Variants in SAMD4A observed in about 807,000 individuals in gnomAD.
SAMD4A encodes the protein protein Smaug homolog 1.
SAMD4A carries 33 observed loss-of-function variants against 81.3 expected under a neutral mutation model. That is an observed-to-expected ratio of 0.41 (90% CI 0.31 to 0.54). The LOEUF is 0.54. Among genes scored for constraint, SAMD4A ranks in the 20% least tolerant of loss-of-function variants. SAMD4A has a pLI of 0.37. For missense variants in SAMD4A, 854 were observed against 951.1 expected, an observed-to-expected ratio of 0.90 and a Z score of 1.34; for synonymous variants, 389 against 382.1, an observed-to-expected ratio of 1.02 and a Z score of -0.21.
chr14:54,647,533 C>G (rs2035312040), intron 2 of SAMD4A, among the ~76,000 whole-genome samples: 1 of 152,202 alleles, frequency 6.6e-6, no homozygotes, highest in African/African-American at 2.4e-5. Flanking sequence ...ACCATTCAAT[C>G]TAAAATAGTC....
intron 2 of SAMD4A, among the ~76,000 whole-genome samples, chr14:54,571,879 G>T (rs1046873122): frequency 6.6e-6 from 1 of 152,190 alleles, no homozygotes; most frequent in African/African-American, 2.4e-5. Context: ...TGTCATTAGA[G>T]GGTGGGTATG....
intron 3 of SAMD4A, among the ~76,000 whole-genome samples, chr14:54,723,430 G>A (rs1483504500): frequency 6.6e-6 from 1 of 152,156 alleles, no homozygotes; most frequent in Admixed American, 6.5e-5. Context: ...ACAGAAGCAA[G>A]AATAGTTTTT....
At position 54,637,291 on chromosome 14, in the gene SAMD4A, G is replaced by A. The variant is rs563694561; in HGVS notation, c.197-64771G>A. On this transcript the variant is annotated intron_variant, in intron 2 of 12. Coordinates refer to ENST00000554335, the MANE Select transcript of SAMD4A (RefSeq NM_015589.6). ...GTCGCAGGAGGATTGCTTGAACCCG[G>A]GAGGTGGAGGTTTCAGTGAGCTGAG... 1.0e-3 allele frequency among the ~76,000 whole-genome samples: 153 copies of A among 150,694 alleles called. 4 individuals carry two copies. The South Asian group carries it at 0.032, about 31-fold the overall frequency.
intron 8 of SAMD4A, among the ~76,000 whole-genome samples, chr14:54,767,540 T>G (rs2038584031): frequency 6.6e-6 from 1 of 152,194 alleles, no homozygotes; most frequent in African/African-American, 2.4e-5. Context: ...TATGAACCTT[T>G]TCATCCAGCC....
intron 4 of SAMD4A, among the ~76,000 whole-genome samples, chr14:54,743,468 C>T (rs2037893152): frequency 6.6e-6 from 1 of 152,200 alleles, no homozygotes; most frequent in Admixed American, 6.5e-5. Context: ...TTTTAACCTC[C>T]ACTCTTTACC....
intron 2 of SAMD4A, among the ~76,000 whole-genome samples, chr14:54,607,899 C>T (rs1191908585): frequency 1.3e-5 from 2 of 151,516 alleles, no homozygotes; most frequent in East Asian, 2.0e-4. Context: ...ACCTCTAATC[C>T]CCGCTACTCG....
At chr14:54,675,840 T>G (rs766366382) in intron 2 of SAMD4A, among the ~76,000 whole-genome samples, 9 of 152,160 alleles carry the variant, frequency 5.9e-5, no homozygotes, top group Non-Finnish European at 1.0e-4. Context: ...CATGAACAAG[T>G]GAGAGGTTTG....
intron 2 of SAMD4A, among the ~76,000 whole-genome samples, chr14:54,675,748 C>T (rs1025444789): frequency 1.3e-4 from 20 of 152,124 alleles, no homozygotes; most frequent in Non-Finnish European, 2.8e-4. Flanking sequence ...GAAAGTGAGG[C>T]GAGAGTCACC....
At position 54,686,979 on chromosome 14, in the gene SAMD4A, C is replaced by T. The variant is rs1013262993; in HGVS notation, c.197-15083C>T. ...CAGTTCTTCCAATCTTTGTGCTTTCCGGGGCTTGATTTTGGCAGTGGGATC... is the reference window on the plus strand; with the variant it reads ...CAGTTCTTCCAATCTTTGTGCTTTCTGGGGCTTGATTTTGGCAGTGGGATC... On this transcript the variant is annotated intron_variant, in intron 2 of 12. Coordinates refer to ENST00000554335, the MANE Select transcript of SAMD4A (RefSeq NM_015589.6). Among the ~76,000 whole-genome samples, 21 of 152,098 alleles carry T rather than the reference C, an allele frequency of 1.4e-4. 1 individual carries two copies. Among genetic ancestry groups the T allele is most frequent in the Admixed American group, 9.8e-4 (15 of 15,262 alleles).
Position 54,663,490 on chromosome 14 carries a change from G to T in SAMD4A, c.197-38572G>T, listed in dbSNP as rs572634311. ...TCGCACCACATGAAGCATGAGTTCC[G>T]TCAGGTAAGTATACATTCTTCCTTA... On this transcript the variant is annotated intron_variant, in intron 2 of 12. Transcript: ENST00000554335. 1.9e-4 allele frequency among the ~76,000 whole-genome samples: 29 copies of T among 152,292 alleles called. No homozygotes were observed. The South Asian group carries it at 5.8e-3, about 30-fold the overall frequency.
intron 2 of SAMD4A, among the ~76,000 whole-genome samples, chr14:54,623,714 G>A: frequency 6.6e-6 from 1 of 152,128 alleles, no homozygotes; most frequent in Non-Finnish European, 1.5e-5. Flanking sequence ...TCTGAACATA[G>A]CTGGGGGATA....
chr14:54,781,989 G>A (rs2281650), intron 11 of SAMD4A, among the ~76,000 whole-genome samples: 86,912 of 152,140 alleles, frequency 0.57, 24,890 homozygotes, highest in East Asian at 0.66. Flanking sequence ...AGAGCCACTC[G>A]GAGTGTTGGG....
At chr14:54,660,381 C>T (rs942001211) in intron 2 of SAMD4A, among the ~76,000 whole-genome samples, 1 of 152,198 alleles carries the variant, frequency 6.6e-6, no homozygotes, top group Admixed American at 6.5e-5. Flanking sequence ...CTCAACCATC[C>T]GCTTCTCTGG....
rs138328643 is a variant in SAMD4A at position 54,590,100 on chromosome 14, A to C, written c.196+21988A>C. 1.7e-4 allele frequency among the ~76,000 whole-genome samples: 26 copies of C among 152,346 alleles called. No individual in the cohort carries two copies. The East Asian group carries it at 3.1e-3, about 18-fold the overall frequency. On this transcript the variant is annotated intron_variant, in intron 2 of 12. Transcript: ENST00000554335. ...TGTGGGATATAGCAGGCACACAATA[A>C]ATATTTGTTGAATGAGTTAATTCAC...
At position 54,568,006 on chromosome 14, in the gene SAMD4A, C is replaced by G. The variant is rs149786093; in HGVS notation, c.90C>G (p.Leu30=). 1 of 1,608,636 alleles carries G rather than the reference C, an allele frequency of 6.2e-7. No homozygotes were observed. Among genetic ancestry groups the G allele is most frequent in the Non-Finnish European group, 8.5e-7 (1 of 1,179,568 alleles). The part of the protein sequence containing the change: ...CEQTVALLSL[L]KRVSQTQARF... ...AGACTGTTGCGCTGCTGTCGCTGCT[C>G]AAGCGCGTGAGCCAGACCCAGGCCC... The change falls in exon 2 of 13, where the codon CTC becomes CTG. Residue 30 remains leucine (L), a synonymous_variant. Transcript: ENST00000554335.
chr14:54,643,202 C>G (rs1042265103), intron 2 of SAMD4A, among the ~76,000 whole-genome samples: 1 of 152,206 alleles, frequency 6.6e-6, no homozygotes, highest in African/African-American at 2.4e-5. Flanking sequence ...TTTAAAACAT[C>G]TAGGTTTGAA....
chr14:54,777,484 G>A (rs939895490), intron 11 of SAMD4A, among the ~76,000 whole-genome samples: 7 of 152,332 alleles, frequency 4.6e-5, no homozygotes, highest in Admixed American at 3.3e-4. Flanking sequence ...CCCGGAAGCC[G>A]TGGCTGGGCC....
chr14:54,598,663 CT>C (rs1174737239), intron 2 of SAMD4A, among the ~76,000 whole-genome samples: 1 of 152,148 alleles, frequency 6.6e-6, no homozygotes, highest in African/African-American at 2.4e-5. Flanking sequence ...CTGTATTTTT[CT>C]GGTTTTAAAG....
chr14:54,768,312 CGTT>C (rs1314941838), intron 8 of SAMD4A, among the ~76,000 whole-genome samples: 1 of 152,190 alleles, frequency 6.6e-6, no homozygotes, highest in African/African-American at 2.4e-5. Flanking sequence ...CTATTTGAAC[CGTT>C]ATTAAGAGCG....
Sources: allele counts gnomAD v4.1 joint callset (sites outside exome capture counted in the v4.1 genomes callset), GRCh38; gene constraint gnomAD v4.1.1; transcripts MANE v1.5; gene names NCBI Gene and HGNC (gene_info 2026-07-23, HGNC 2026-07-21).